Variants in DNER observed in about 807,000 individuals in gnomAD.
DNER encodes the protein delta and Notch-like epidermal growth factor-related receptor.
A neutral mutation model predicts 78.2 loss-of-function variants in DNER; 33 were observed. The ratio of observed to expected loss-of-function variants is 0.42; its 90% confidence interval spans 0.32 to 0.56. The LOEUF is 0.56. DNER is among the 20% of genes least tolerant of loss of function. The pLI, the probability that DNER is intolerant of heterozygous loss-of-function variation, is 0.11. For synonymous variants in DNER, 417 were observed against 384.8 expected (o/e 1.08, Z -0.98); for missense variants, 918 against 975.3 (o/e 0.94, Z 0.78).
intron 1 of DNER, among the ~76,000 whole-genome samples, chr2:229,671,117 G>C (rs1395988526): frequency 6.6e-6 from 1 of 152,116 alleles, no homozygotes; most frequent in Non-Finnish European, 1.5e-5. Context: ...ATTAAAAGAA[G>C]GACAAGATAG....
Position 229,447,416 on chromosome 2 carries a change from C to T in DNER, c.1386G>A (p.Gly462=), listed in dbSNP as rs777809228. 2 of 1,613,930 alleles carry T rather than the reference C, an allele frequency of 1.2e-6. No homozygotes were observed. The highest frequency in any genetic ancestry group is 3.3e-5 in the Admixed American group (2 of 60,006). ...AGTCAATAAGCTGGGCACAGGTCGG[C>T]CCTGTGAAGCCCGGGCTGCAGTTGC... is the stretch of plus-strand genomic sequence containing the variant. The part of the protein sequence containing the change: ...FTCNCSPGFT[G]PTCAQLIDFC... Residue 462 remains glycine (G), a synonymous_variant, in exon 8 of 13, where the codon GGG becomes GGA. Transcript: ENST00000341772.
At chr2:229,575,557 T>C (rs6436874) in intron 4 of DNER, among the ~76,000 whole-genome samples, 4,174 of 152,234 alleles carry the variant, frequency 0.027, 200 homozygotes, top group African/African-American at 0.095. Context: ...GGACCAGGGA[T>C]CTTCCTTTCT....
intron 1 of DNER, among the ~76,000 whole-genome samples, chr2:229,710,866 C>A (rs1162638445): frequency 6.6e-6 from 1 of 151,944 alleles, no homozygotes; most frequent in Non-Finnish European, 1.5e-5. Context: ...TGATTTACAG[C>A]ACTTAATTAA....
chr2:229,436,801 T>TA (rs1276733556), intron 8 of DNER, among the ~76,000 whole-genome samples: 1 of 152,190 alleles, frequency 6.6e-6, no homozygotes, highest in African/African-American at 2.4e-5. Context: ...AAGGAAGTGC[T>TA]AAATATGGAA....
intron 6 of DNER, among the ~76,000 whole-genome samples, chr2:229,509,240 A>G (rs976084371): frequency 2.6e-5 from 4 of 152,238 alleles, no homozygotes; most frequent in Non-Finnish European, 4.4e-5. Context: ...AAATCATGTC[A>G]GTCCAAATAT....
chr2:229,639,411 C>T (rs1039311277), intron 1 of DNER, among the ~76,000 whole-genome samples: 5 of 152,054 alleles, frequency 3.3e-5, no homozygotes, highest in Admixed American at 6.5e-5. Flanking sequence ...TCCATCACCA[C>T]GCCTGGCTAA....
At chr2:229,385,714 C>T (rs1342938828) in intron 11 of DNER, among the ~76,000 whole-genome samples, 1 of 152,178 alleles carries the variant, frequency 6.6e-6, no homozygotes, top group Non-Finnish European at 1.5e-5. Context: ...AGTGAACTCT[C>T]ATTCACAATT....
At chr2:229,705,461 C>T (rs571952836) in intron 1 of DNER, among the ~76,000 whole-genome samples, 2 of 152,330 alleles carry the variant, frequency 1.3e-5, no homozygotes, top group African/African-American at 4.8e-5. Flanking sequence ...AATACCTTAA[C>T]ATTACACAAA....
At chr2:229,370,226 A>G (rs1692450612) in intron 11 of DNER, among the ~76,000 whole-genome samples, 1 of 152,184 alleles carries the variant, frequency 6.6e-6, no homozygotes, top group Non-Finnish European at 1.5e-5. Flanking sequence ...CTGCAGACCC[A>G]CTTTCTAGAA....
intron 1 of DNER, among the ~76,000 whole-genome samples, chr2:229,594,154 T>G (rs987586139): frequency 5.3e-5 from 8 of 152,148 alleles, no homozygotes; most frequent in Non-Finnish European, 1.2e-4. Context: ...TACACACCCT[T>G]CCCACGGTAA....
At chr2:229,456,054 C>T (rs1300751441) in intron 7 of DNER, among the ~76,000 whole-genome samples, 1 of 151,978 alleles carries the variant, frequency 6.6e-6, no homozygotes, top group Non-Finnish European at 1.5e-5. Flanking sequence ...CAAAGGGATA[C>T]CTGAGACTGG....
chr2:229,392,844 T>A (rs923515325), intron 10 of DNER, among the ~76,000 whole-genome samples: 6 of 152,072 alleles, frequency 3.9e-5, no homozygotes, highest in Admixed American at 3.3e-4. Context: ...TTACTTTTTT[T>A]AAAAAAGACA....
intron 10 of DNER, among the ~76,000 whole-genome samples, chr2:229,389,985 T>C (rs960645121): frequency 6.6e-6 from 1 of 152,216 alleles, no homozygotes; most frequent in South Asian, 2.1e-4. Context: ...TCACTCTTAG[T>C]AGAAATAGTC....
intron 1 of DNER, among the ~76,000 whole-genome samples, chr2:229,685,089 G>A (rs1010994109): frequency 9.2e-5 from 14 of 152,098 alleles, no homozygotes; most frequent in Non-Finnish European, 1.2e-4. Context: ...CATCCACCAG[G>A]ACTGTGGTCG....
intron 6 of DNER, among the ~76,000 whole-genome samples, chr2:229,481,778 C>T (rs555316542): frequency 6.6e-6 from 1 of 152,322 alleles, no homozygotes; most frequent in African/African-American, 2.4e-5. Flanking sequence ...CAATGACAGA[C>T]ACCCAGAGGA....
intron 10 of DNER, among the ~76,000 whole-genome samples, chr2:229,401,333 C>T (rs920300276): frequency 1.3e-5 from 2 of 151,902 alleles, no homozygotes; most frequent in Non-Finnish European, 2.9e-5. Flanking sequence ...GGCAATTGTC[C>T]CGGAAAAATG....
At chr2:229,372,027 CTTG>C (rs1252301182) in intron 11 of DNER, among the ~76,000 whole-genome samples, 2 of 152,130 alleles carry the variant, frequency 1.3e-5, no homozygotes, top group African/African-American at 4.8e-5. Context: ...ATTAACAACT[CTTG>C]TTAATCTCTG....
chr2:229,615,570 G>A (rs987029803), intron 1 of DNER, among the ~76,000 whole-genome samples: 2 of 152,060 alleles, frequency 1.3e-5, no homozygotes, highest in Non-Finnish European at 2.9e-5. Context: ...AAATTAGCCG[G>A]AAGTGGTGGT....
intron 6 of DNER, among the ~76,000 whole-genome samples, chr2:229,510,094 G>T (rs922213705): frequency 6.6e-6 from 1 of 152,112 alleles, no homozygotes; most frequent in Non-Finnish European, 1.5e-5. Context: ...TGAGAGGGTG[G>T]ATCCTGTGGC....
Sources: allele counts gnomAD v4.1 joint callset (sites outside exome capture counted in the v4.1 genomes callset), GRCh38; gene constraint gnomAD v4.1.1; transcripts MANE v1.5; gene names NCBI Gene and HGNC (gene_info 2026-07-23, HGNC 2026-07-21).